Variants in FHIT observed in about 807,000 individuals in gnomAD.
FHIT encodes fragile histidine triad diadenosine triphosphatase, also known as bis(5'-adenosyl)-triphosphatase.
Under a neutral mutation model 17.9 loss-of-function variants are expected in FHIT, and 19 were observed. That is an observed-to-expected ratio of 1.06 (90% CI 0.74 to 1.56). The LOEUF (loss-of-function observed/expected upper bound fraction) is 1.56. Ranked by LOEUF, FHIT falls within the 40% of genes most tolerant of loss-of-function variation. FHIT has a pLI of 0.00. For missense variants in FHIT, 248 were observed against 189.2 expected (o/e 1.31, Z -1.82); for synonymous variants, 81 against 69.7 (o/e 1.16, Z -0.81).
Position 60,123,734 on chromosome 3 carries a change from G to A in FHIT, c.104-109582C>T, listed in dbSNP as rs994301581. On this transcript the variant is annotated intron_variant, in intron 5 of 9. Coordinates refer to ENST00000492590, the MANE Select transcript of FHIT (RefSeq NM_002012.4). ...TTCATTTCTCTAATCATGAGAGAAC[G>A]CCAGTGCCCACTTTAAGTTTAGTGG... Among the ~76,000 whole-genome samples the A allele has an allele frequency of 8.6e-5, 13 of 151,510 alleles. 1 individual carries two copies. Among genetic ancestry groups the A allele is most frequent in the Non-Finnish European group, 4.4e-5 (3 of 67,920 alleles).
intron 4 of FHIT, among the ~76,000 whole-genome samples, chr3:60,607,325 T>A (rs1322394603): frequency 6.6e-6 from 1 of 152,058 alleles, no homozygotes; most frequent in Admixed American, 6.6e-5. Flanking sequence ...CTCAGGGAAC[T>A]AAACAGTCAC....
chr3:60,036,993 T>C (rs529708282), intron 5 of FHIT, among the ~76,000 whole-genome samples: 1 of 152,274 alleles, frequency 6.6e-6, no homozygotes, highest in Middle Eastern at 3.4e-3. Flanking sequence ...GAGATTGACT[T>C]CCAACATGAG....
At chr3:59,840,504 C>T (rs1011757722) in intron 8 of FHIT, among the ~76,000 whole-genome samples, 19 of 152,162 alleles carry the variant, frequency 1.2e-4, no homozygotes, top group African/African-American at 4.6e-4. Flanking sequence ...TGTAAAGGCA[C>T]AGCTGACACC....
chr3:60,332,405 A>G (rs1277798991), intron 5 of FHIT, among the ~76,000 whole-genome samples: 1 of 152,218 alleles, frequency 6.6e-6, no homozygotes, highest in East Asian at 1.9e-4. Context: ...TCTACGATGG[A>G]GGAAAATTCG....
chr3:60,727,277 C>T (rs1194815082), intron 4 of FHIT, among the ~76,000 whole-genome samples: 7 of 152,168 alleles, frequency 4.6e-5, no homozygotes, highest in Admixed American at 3.9e-4. Context: ...AGTCCCTCCA[C>T]TCTTTCTCTA....
chr3:60,369,877 C>A (rs950711142), intron 5 of FHIT, among the ~76,000 whole-genome samples: 2 of 152,120 alleles, frequency 1.3e-5, no homozygotes, highest in African/African-American at 4.8e-5. Context: ...ACACAAGGAA[C>A]CCTCATTAAA....
chr3:60,568,171 G>A (rs923447067), intron 4 of FHIT, among the ~76,000 whole-genome samples: 12 of 151,986 alleles, frequency 7.9e-5, no homozygotes, highest in Admixed American at 2.6e-4. Flanking sequence ...TGTTTATTGC[G>A]GCACTACTCA....
intron 8 of FHIT, among the ~76,000 whole-genome samples, chr3:59,796,492 A>G (rs2106953233): frequency 6.6e-6 from 1 of 152,284 alleles, no homozygotes; most frequent in East Asian, 1.9e-4. Context: ...GTGACTCCAT[A>G]AACCACTGCA....
intron 4 of FHIT, among the ~76,000 whole-genome samples, chr3:60,644,416 G>GA (rs1415638684): frequency 5.9e-5 from 9 of 151,984 alleles, no homozygotes; most frequent in Non-Finnish European, 1.2e-4. Context: ...TTATTTTACT[G>GA]AAAAAAATGG....
At chr3:60,963,846 T>C (rs2107506117) in intron 3 of FHIT, among the ~76,000 whole-genome samples, 1 of 152,352 alleles carries the variant, frequency 6.6e-6, no homozygotes, top group South Asian at 2.1e-4. Context: ...GTGCTTTACT[T>C]CCGACTATGT....
chr3:60,882,563 A>C (rs904108477), intron 3 of FHIT, among the ~76,000 whole-genome samples: 3 of 152,216 alleles, frequency 2.0e-5, no homozygotes, highest in African/African-American at 7.2e-5. Context: ...ACGGTTCAAC[A>C]TATGCTAATC....
At chr3:60,777,718 T>A (rs1700255559) in intron 4 of FHIT, among the ~76,000 whole-genome samples, 1 of 152,222 alleles carries the variant, frequency 6.6e-6, no homozygotes, top group African/African-American at 2.4e-5. Flanking sequence ...ACATTTTGAT[T>A]TTTTTCCTTG....
At chr3:60,488,853 G>GT (rs1210085312) in intron 5 of FHIT, among the ~76,000 whole-genome samples, 2 of 152,140 alleles carry the variant, frequency 1.3e-5, no homozygotes, top group African/African-American at 4.8e-5. Flanking sequence ...TAAAAACTTG[G>GT]TGTTAAGTTT....
intron 8 of FHIT, among the ~76,000 whole-genome samples, chr3:59,854,137 A>T (rs971741129): frequency 1.3e-5 from 2 of 152,212 alleles, no homozygotes; most frequent in Non-Finnish European, 2.9e-5. Flanking sequence ...GATTGGTATC[A>T]AAAGTCGTTA....
At chr3:61,208,010 T>C (rs2039310609) in intron 1 of FHIT, among the ~76,000 whole-genome samples, 1 of 152,208 alleles carries the variant, frequency 6.6e-6, no homozygotes, top group Non-Finnish European at 1.5e-5. Flanking sequence ...TTCTGGTATG[T>C]TGTGTCTTTG....
At chr3:60,045,030 T>C (rs770775601) in intron 5 of FHIT, among the ~76,000 whole-genome samples, 13 of 152,054 alleles carry the variant, frequency 8.5e-5, no homozygotes, top group Non-Finnish European at 1.5e-4. Flanking sequence ...ATATTGGCCA[T>C]CATAAAAAAC....
At chr3:61,074,426 C>A (rs2034906690) in intron 2 of FHIT, among the ~76,000 whole-genome samples, 1 of 152,214 alleles carries the variant, frequency 6.6e-6, no homozygotes, top group Non-Finnish European at 1.5e-5. Context: ...TGAGCCAAAT[C>A]TGACCCATTG....
intron 1 of FHIT, among the ~76,000 whole-genome samples, chr3:61,237,788 C>T (rs1339686637): frequency 1.3e-5 from 2 of 152,182 alleles, no homozygotes; most frequent in East Asian, 3.8e-4. Flanking sequence ...GAAAGCGAAG[C>T]TCAGAGAGGT....
At chr3:60,730,855 G>T (rs955769926) in intron 4 of FHIT, among the ~76,000 whole-genome samples, 1 of 151,944 alleles carries the variant, frequency 6.6e-6, no homozygotes, top group East Asian at 1.9e-4. Flanking sequence ...AGTGGCTCAC[G>T]CCTGTAATCC....
Sources: allele counts gnomAD v4.1 joint callset (sites outside exome capture counted in the v4.1 genomes callset), GRCh38; gene constraint gnomAD v4.1.1; transcripts MANE v1.5; gene names NCBI Gene and HGNC (gene_info 2026-07-23, HGNC 2026-07-21).